COL4A4: variants seen among roughly 807,000 people sequenced by gnomAD.
COL4A4 encodes the protein collagen alpha-4(IV) chain.
COL4A4 carries 105 observed loss-of-function variants against 192.9 expected under a neutral mutation model. That is an observed-to-expected ratio of 0.54 (90% CI 0.46 to 0.64). COL4A4 has a LOEUF of 0.64. Ranked by LOEUF, COL4A4 falls within the 30% of genes least tolerant of loss-of-function variation. The probability of loss-of-function intolerance (pLI) is 0.00; values close to 1 mark genes in which losing one functional copy is unlikely to be tolerated. For missense variants in COL4A4, 1,967 were observed against 2,169.3 expected (o/e 0.91, Z 1.85); for synonymous variants, 762 against 769.9 (o/e 0.99, Z 0.17).
At chr2:226,969,672 C>T in the COL4A4 span, among the ~76,000 whole-genome samples, 1 of 152,266 alleles carries the variant, frequency 6.6e-6, no homozygotes, top group East Asian at 1.9e-4. Flanking sequence ...AAATCTCCCC[C>T]AATTGTTAAA....
At position 227,041,787 on chromosome 2, in the gene COL4A4, GGAAAGAAAGAAAGAAAGGAA is replaced by G. The variant is rs1971075797; in HGVS notation, c.3505+341_3505+360del. On this transcript the variant is annotated intron_variant, in intron 37 of 47. Transcript: ENST00000396625. ...GGAAGGAAGGAAGGAAGGAAGGAAG[GGAAAGAAAGAAAGAAAGGAA>G]GAAAGAAAGAAAGAAAGAAAGAAAG... Among the ~76,000 whole-genome samples the G allele has an allele frequency of 9.1e-5, 4 of 44,156 alleles. 1 individual carries two copies. The highest frequency in any genetic ancestry group is 3.1e-4 in the African/African-American group (3 of 9,670). The allele number at this position is 44,156 out of a possible 152,430, so 29.0% of individuals were successfully genotyped here.
At chr2:227,012,626 T>C (rs1963997642) in intron 44 of COL4A4, among the ~76,000 whole-genome samples, 1 of 126,170 alleles carries the variant, frequency 7.9e-6, no homozygotes, top group African/African-American at 3.2e-5. Flanking sequence ...TTCATATATT[T>C]GACTTCAAAA....
intron 35 of COL4A4, among the ~76,000 whole-genome samples, chr2:227,043,584 C>T (rs1487670662): frequency 6.6e-6 from 1 of 152,162 alleles, no homozygotes. Context: ...TTATCTCTAA[C>T]TCTGCCGTTA....
At chr2:227,135,430 T>G (rs2062750174) in intron 4 of COL4A4, among the ~76,000 whole-genome samples, 1 of 152,190 alleles carries the variant, frequency 6.6e-6, no homozygotes, top group Non-Finnish European at 1.5e-5. Context: ...TGACCCTACC[T>G]GAAATTCACA....
intron 17 of COL4A4, among the ~76,000 whole-genome samples, chr2:227,100,093 C>A (rs530164983): frequency 2.5e-4 from 38 of 152,290 alleles, no homozygotes; most frequent in Non-Finnish European, 4.9e-4. Context: ...CAAATAGCGT[C>A]CCTCTAAATT....
chr2:227,000,957 G>A (rs888168722), downstream of COL4A4, among the ~76,000 whole-genome samples: 2 of 152,108 alleles, frequency 1.3e-5, no homozygotes, highest in Non-Finnish European at 2.9e-5. Context: ...ATGATTGTGA[G>A]GCCTCCCCAG....
Position 227,007,525 on chromosome 2 carries a change from C to A in COL4A4, c.4873G>T (p.Asp1625Tyr), listed in dbSNP as rs748131225. The change falls in exon 48 of 48, where the codon GAT becomes TAT. Residue 1625 changes from aspartate (D) to tyrosine (Y), a missense_variant. Physicochemically the swap from Asp to Tyr is radical, Grantham distance 160. Transcript: ENST00000396625. The part of the protein sequence containing the change: ...ALMSPGSCLE[D>Y]FRAAPFLECQ... The stretch of plus-strand genomic sequence containing the variant: ...TCAAGGAATGGTGCTGCTCTGAAAT[C>A]TTCCAGGCAGCTGCCAGGTGACATA... The A allele has an allele frequency of 2.5e-6, 4 of 1,613,744 alleles. No homozygotes were observed. The South Asian group carries it at 3.3e-5, about 13-fold the overall frequency.
At chr2:227,142,363 G>A (rs1010866084) in intron 3 of COL4A4, among the ~76,000 whole-genome samples, 9 of 152,064 alleles carry the variant, frequency 5.9e-5, no homozygotes, top group African/African-American at 1.2e-4. Flanking sequence ...ATACATTCAC[G>A]CTCTCGGAAA....
chr2:227,008,330 G>T (rs1158296606), intron 46 of COL4A4, 26 bp from the exon 47 acceptor site: 1 of 1,612,504 alleles, frequency 6.2e-7, no homozygotes, highest in Non-Finnish European at 8.5e-7. Flanking sequence ...AGAGACAGCT[G>T]GTGTCCAAGC....
At chr2:227,102,380 ACT>A (rs1305296789) in intron 15 of COL4A4, among the ~76,000 whole-genome samples, 1 of 152,180 alleles carries the variant, frequency 6.6e-6, no homozygotes, top group Non-Finnish European at 1.5e-5. Flanking sequence ...CTCCATGGTG[ACT>A]CTATGAGTGG....
intron 43 of COL4A4, among the ~76,000 whole-genome samples, chr2:227,025,139 C>T (rs1966755961): frequency 6.6e-6 from 1 of 152,128 alleles, no homozygotes; most frequent in Non-Finnish European, 1.5e-5. Context: ...AAAAATAATA[C>T]ATGGTGTCTA....
Position 227,123,708 on chromosome 2 carries a change from C to T in COL4A4, c.193-2560G>A, listed in dbSNP as rs1394300460. Among the ~76,000 whole-genome samples the T allele has an allele frequency of 3.9e-5, 6 of 152,226 alleles. No individual in the cohort carries two copies. The highest frequency in any genetic ancestry group is 7.3e-5 in the Non-Finnish European group (5 of 68,048). On this transcript the variant is annotated intron_variant, in intron 4 of 47. Coordinates refer to ENST00000396625, the MANE Select transcript of COL4A4 (RefSeq NM_000092.5). The surrounding 1 kb of genome is among the most constrained non-coding windows in gnomAD (Gnocchi z 4.6). ...AAGCCCTGACAGACACAGATGCCAG[C>T]AGCTGAAGTCCCCCAGAGCCTGAGC... is the stretch of plus-strand genomic sequence containing the variant.
At chr2:227,002,432 G>A (rs772377948), downstream of COL4A4, among the ~76,000 whole-genome samples, 2 of 152,232 alleles carry the variant, frequency 1.3e-5, no homozygotes, top group African/African-American at 2.4e-5. Flanking sequence ...GAGGCCAAGA[G>A]GGTGTAAGCC....
intron 30 of COL4A4, among the ~76,000 whole-genome samples, chr2:227,055,718 C>A (rs1308004601): frequency 1.3e-5 from 2 of 152,050 alleles, no homozygotes; most frequent in African/African-American, 4.8e-5. Flanking sequence ...TTCATGAATT[C>A]TGTGGCCCTA....
At chr2:227,031,832 TGGG>T (rs1313501305) in intron 40 of COL4A4, 110 bp downstream of exon 40, 1 of 807,986 alleles carries the variant, frequency 1.2e-6, no homozygotes. Context: ...GCCAAGCTGA[TGGG>T]GGGCTGCTTC....
chr2:227,126,260 A>G (rs1179130492), intron 4 of COL4A4, among the ~76,000 whole-genome samples: 2 of 152,220 alleles, frequency 1.3e-5, no homozygotes, highest in Admixed American at 6.5e-5. Context: ...GTGAGTATCC[A>G]TGGATTTTGG....
intron 31 of COL4A4, among the ~76,000 whole-genome samples, chr2:227,053,084 C>CTTT (rs60307893): frequency 4.1e-5 from 6 of 146,418 alleles, no homozygotes; most frequent in African/African-American, 1.2e-4. Flanking sequence ...AACCACGGTG[C>CTTT]TTTTTTTTTT....
intron 44 of COL4A4, among the ~76,000 whole-genome samples, chr2:227,015,803 T>C (rs1964736125): frequency 6.6e-6 from 1 of 152,170 alleles, no homozygotes; most frequent in African/African-American, 2.4e-5. Context: ...CGCAATGACA[T>C]AGAAGTAAGG....
chr2:226,997,911 A>G (rs1959864273), downstream of COL4A4: 1 of 152,170 alleles, frequency 6.6e-6, no homozygotes, highest in Non-Finnish European at 1.5e-5. Context: ...ATTTTATTTT[A>G]TTTTCCTCTA....
Sources: allele counts gnomAD v4.1 joint callset (sites outside exome capture counted in the v4.1 genomes callset), GRCh38; gene constraint gnomAD v4.1.1; non-coding constraint Gnocchi (gnomAD v3.1); transcripts MANE v1.5; gene names NCBI Gene and HGNC (gene_info 2026-07-23, HGNC 2026-07-21).